Variants in SIPA1L3 observed in about 807,000 individuals in gnomAD.
The protein encoded by SIPA1L3 is signal induced proliferation associated 1 like 3, also known as signal-induced proliferation-associated 1-like protein 3.
In SIPA1L3, 59 loss-of-function variants were observed where a neutral mutation model predicts 150.1. The observed-to-expected ratio is 0.39, with a 90% CI of 0.32 to 0.49. The LOEUF (loss-of-function observed/expected upper bound fraction) is 0.49, where lower values mean the gene tolerates loss of function less well. Among genes scored for constraint, SIPA1L3 ranks in the 20% least tolerant of loss-of-function variants. The pLI, the probability that SIPA1L3 is intolerant of heterozygous loss-of-function variation, is 0.86. For synonymous variants in SIPA1L3, 1,070 were observed against 1,077.6 expected (o/e 0.99, Z 0.14); for missense variants, 2,211 against 2,489.5 (o/e 0.89, Z 2.38).
At position 38,119,353 on chromosome 19, in the gene SIPA1L3, T is replaced by A. The variant is rs777833836; in HGVS notation, c.2339T>A (p.Ile780Asn). 1 of 1,614,018 alleles carries A rather than the reference T, an allele frequency of 6.2e-7. No homozygotes were observed. The highest frequency in any genetic ancestry group is 1.1e-5 in the South Asian group (1 of 91,070). ...GACGCTCCTCCTTTCGGCCCCCCCA[T>A]CCCCAGTGGAACCACATTCCGCAAA... Reference protein sequence around the residue: ...SKDAPPFGPPIPSGTTFRKSD... With the variant: ...SKDAPPFGPPNPSGTTFRKSD... The change falls in exon 9 of 22, where the codon ATC (isoleucine) becomes AAC (asparagine). Residue 780 changes from isoleucine (I) to asparagine (N), a missense_variant. Coordinates refer to ENST00000222345, the MANE Select transcript of SIPA1L3 (RefSeq NM_015073.3).
At chr19:37,941,071 TACAC>T (rs869026715) in intron 1 of SIPA1L3, among the ~76,000 whole-genome samples, 1 of 133,086 alleles carries the variant, frequency 7.5e-6, no homozygotes, top group Non-Finnish European at 1.7e-5. Context: ...GTTTGAGATG[TACAC>T]ACACACACAC....
rs201362119 is a variant in SIPA1L3, at chr19:38,162,402, G to C, written c.3780+31G>C. On this transcript the variant is annotated intron_variant, in intron 14 of 21. Transcript: ENST00000222345. ...TCTGGGCCCCACCCTGCCCTACCGG[G>C]GGAGCCAGGCCTGCCTGGGTGTGGC... is the stretch of plus-strand genomic sequence containing the variant. 2.1e-4 allele frequency: 325 copies of C among 1,560,836 alleles called. 2 individuals are homozygous for C. In the East Asian group the frequency reaches 6.3e-3, roughly 30 times the overall value.
chr19:37,987,440 G>A (rs1000121617), intron 1 of SIPA1L3, among the ~76,000 whole-genome samples: 6 of 152,144 alleles, frequency 3.9e-5, no homozygotes, highest in African/African-American at 1.4e-4. Context: ...GAACCCTGAC[G>A]CTGTTGACCT....
At chr19:38,038,369 G>T (rs565241520) in intron 2 of SIPA1L3, among the ~76,000 whole-genome samples, 1 of 152,102 alleles carries the variant, frequency 6.6e-6, no homozygotes, top group Non-Finnish European at 1.5e-5. Context: ...CAGGTGAGCA[G>T]ATCACCTGTC....
intron 16 of SIPA1L3, chr19:38,184,947 C>G (rs999133710): frequency 3.9e-5 from 6 of 152,746 alleles, no homozygotes; most frequent in Non-Finnish European, 8.8e-5. Context: ...CCTCTGCCCT[C>G]GTTCCCATCC....
chr19:37,937,166 A>G (rs796086914), intron 1 of SIPA1L3, among the ~76,000 whole-genome samples: 6 of 152,254 alleles, frequency 3.9e-5, no homozygotes, highest in African/African-American at 1.4e-4. Context: ...CCTGGCCTGT[A>G]TTAACTTTTT....
intron 1 of SIPA1L3, among the ~76,000 whole-genome samples, chr19:38,024,553 G>A (rs1336691827): frequency 6.6e-6 from 1 of 152,020 alleles, no homozygotes; most frequent in Non-Finnish European, 1.5e-5. Flanking sequence ...CCCCCAGCTG[G>A]CCCTGGGCCC....
rs886187898 is a variant in SIPA1L3 at position 38,177,658 on chromosome 19, A to G, written c.4209-4861A>G. 3.3e-5 allele frequency among the ~76,000 whole-genome samples: 5 copies of G among 152,312 alleles called. No individual in the cohort carries two copies. The South Asian group carries it at 8.3e-4, about 25-fold the overall frequency. On this transcript the variant is annotated intron_variant, in intron 15 of 21. Coordinates refer to ENST00000222345, the MANE Select transcript of SIPA1L3 (RefSeq NM_015073.3). The stretch of plus-strand genomic sequence containing the variant: ...ATACCATGCATCGTTTCCATTTACT[A>G]TAGTTCAGACCATCTGTCCTCATAC...
At chr19:38,137,290 G>A (rs1411359973) in intron 10 of SIPA1L3, among the ~76,000 whole-genome samples, 4 of 152,108 alleles carry the variant, frequency 2.6e-5, no homozygotes, top group Non-Finnish European at 4.4e-5. Flanking sequence ...CCAGGTTCAA[G>A]CGATCCTCCT....
intron 15 of SIPA1L3, 36 bp from the exon 16 acceptor site, chr19:38,182,483 T>A (rs752964139): frequency 6.7e-7 from 1 of 1,484,530 alleles, no homozygotes; most frequent in South Asian, 1.2e-5. Flanking sequence ...TGGAATGGAT[T>A]TGGTTTTTTT....
intron 10 of SIPA1L3, among the ~76,000 whole-genome samples, chr19:38,138,304 G>C (rs1317491111): frequency 6.6e-6 from 1 of 152,098 alleles, no homozygotes; most frequent in Non-Finnish European, 1.5e-5. Context: ...CTTACTGGCT[G>C]TTTCACCTTG....
Position 38,201,881 on chromosome 19 carries a change from C to G in SIPA1L3, c.5004C>G (p.Leu1668=). Residue 1668 remains leucine (L), a synonymous_variant, in exon 20 of 22, where the codon CTC becomes CTG. Coordinates refer to ENST00000222345, the MANE Select transcript of SIPA1L3 (RefSeq NM_015073.3). ...KAYEVQRAVS[L]FSLNDPALSP... ...TGGCAGTGCAAAGAGCCGTCTCACT[C>G]TTCTCTCTGAACGACCCGGCCCTGA... 1 of 1,612,770 alleles carries G rather than the reference C, an allele frequency of 6.2e-7. No homozygotes were observed. Among genetic ancestry groups the G allele is most frequent in the Non-Finnish European group, 8.5e-7 (1 of 1,179,414 alleles).
intron 1 of SIPA1L3, among the ~76,000 whole-genome samples, chr19:37,950,250 A>G (rs1049492518): frequency 2.6e-5 from 4 of 152,150 alleles, no homozygotes; most frequent in African/African-American, 9.7e-5. Flanking sequence ...TCAGAGCATT[A>G]GACAAACTTA....
chr19:38,032,852 C>CAA (rs34941718), intron 2 of SIPA1L3, among the ~76,000 whole-genome samples: 349 of 145,876 alleles, frequency 2.4e-3, no homozygotes, highest in Admixed American at 4.7e-3. Flanking sequence ...GACTCGGTCT[C>CAA]AAAAAAAAAA....
intron 15 of SIPA1L3, among the ~76,000 whole-genome samples, chr19:38,177,854 C>T (rs1222053543): frequency 8.6e-5 from 13 of 152,042 alleles, no homozygotes; most frequent in Admixed American, 8.5e-4. Flanking sequence ...GGTGAAACCC[C>T]GTCTCTACTA....
intron 1 of SIPA1L3, among the ~76,000 whole-genome samples, chr19:38,006,780 C>T (rs1427462655): frequency 6.6e-6 from 1 of 152,154 alleles, no homozygotes; most frequent in Non-Finnish European, 1.5e-5. Flanking sequence ...CACCTTTCAC[C>T]CCGGCAGCTC....
At chr19:38,056,532 C>G (rs1969319895) in intron 2 of SIPA1L3, among the ~76,000 whole-genome samples, 1 of 152,192 alleles carries the variant, frequency 6.6e-6, no homozygotes, top group African/African-American at 2.4e-5. Context: ...TCAGTTTACC[C>G]CTTCCTTCTC....
chr19:37,934,124 A>G (rs1463288964), intron 1 of SIPA1L3, among the ~76,000 whole-genome samples: 1 of 151,914 alleles, frequency 6.6e-6, no homozygotes, highest in African/African-American at 2.4e-5. Flanking sequence ...GTCCTCATCT[A>G]TTTTCTAGCT....
At chr19:38,061,224 CT>C (rs1969439084) in intron 2 of SIPA1L3, among the ~76,000 whole-genome samples, 1 of 146,894 alleles carries the variant, frequency 6.8e-6, no homozygotes, top group Non-Finnish European at 1.5e-5. Flanking sequence ...TGGTATCTGC[CT>C]CCTGATTTTT....
Sources: allele counts gnomAD v4.1 joint callset (sites outside exome capture counted in the v4.1 genomes callset), GRCh38; gene constraint gnomAD v4.1.1; transcripts MANE v1.5; gene names NCBI Gene and HGNC (gene_info 2026-07-23, HGNC 2026-07-21).